VWC2L: variants seen among roughly 807,000 people sequenced by gnomAD.
VWC2L encodes the protein von Willebrand factor C domain containing 2 like.
Under a neutral mutation model 21.6 loss-of-function variants are expected in VWC2L, and 10 were observed. The ratio of observed to expected loss-of-function variants is 0.46; its 90% CI spans 0.29 to 0.78. The LOEUF is 0.78. Among genes scored for constraint, VWC2L ranks in the 30% least tolerant of loss-of-function variants. VWC2L has a pLI of 0.10. For synonymous variants in VWC2L, 96 were observed against 94.3 expected (o/e 1.02, Z -0.10); for missense variants, 209 against 277.1 (o/e 0.75, Z 1.74).
intron 3 of VWC2L, among the ~76,000 whole-genome samples, chr2:214,517,087 T>C (rs1468577594): frequency 2.0e-5 from 3 of 152,252 alleles, no homozygotes; most frequent in Non-Finnish European, 4.4e-5. Context: ...TGATCTCTAA[T>C]GACATTGTCA....
intron 2 of VWC2L, among the ~76,000 whole-genome samples, chr2:214,418,962 T>C (rs553028482): frequency 2.0e-5 from 3 of 152,350 alleles, no homozygotes; most frequent in South Asian, 2.1e-4. Context: ...CCCAGTGTTT[T>C]AGCTGTACTG....
intron 2 of VWC2L, among the ~76,000 whole-genome samples, chr2:214,434,751 G>A (rs976592520): frequency 1.3e-5 from 2 of 152,082 alleles, no homozygotes; most frequent in Non-Finnish European, 2.9e-5. Flanking sequence ...CATCAGTGTT[G>A]GGAATCTAAT....
At chr2:214,423,525 T>C (rs974667574) in intron 2 of VWC2L, among the ~76,000 whole-genome samples, 1 of 152,172 alleles carries the variant, frequency 6.6e-6, no homozygotes, top group African/African-American at 2.4e-5. Flanking sequence ...CCAATAAATA[T>C]GTTGGATTCA....
At chr2:214,572,447 A>G (rs1484489842) in intron 3 of VWC2L, among the ~76,000 whole-genome samples, 10 of 152,184 alleles carry the variant, frequency 6.6e-5, no homozygotes, top group African/African-American at 2.4e-4. Flanking sequence ...CTCTGCATTA[A>G]AATACGTTGC....
chr2:214,536,615 T>C (rs1689534582), intron 3 of VWC2L: 1 of 152,078 alleles, frequency 6.6e-6, no homozygotes, highest in African/African-American at 2.4e-5. Context: ...TACCTTTCCT[T>C]CCAACAAGTA....
intron 2 of VWC2L, among the ~76,000 whole-genome samples, chr2:214,425,044 C>G (rs539865953): frequency 6.6e-6 from 1 of 152,184 alleles, no homozygotes; most frequent in Non-Finnish European, 1.5e-5. Context: ...TTTATTAAAA[C>G]ACAGCCATGC....
intron 3 of VWC2L, among the ~76,000 whole-genome samples, chr2:214,489,844 G>T (rs1162893924): frequency 6.6e-6 from 1 of 152,184 alleles, no homozygotes; most frequent in Non-Finnish European, 1.5e-5. Context: ...TTTTTAATAT[G>T]TGGCTTCAAG....
chr2:214,520,577 A>G (rs1411597710), intron 3 of VWC2L, among the ~76,000 whole-genome samples: 1 of 152,162 alleles, frequency 6.6e-6, no homozygotes, highest in Non-Finnish European at 1.5e-5. Flanking sequence ...CTCTTGAACA[A>G]TATTTCCCAA....
At chr2:214,541,320 G>A (rs1689623360) in intron 3 of VWC2L, among the ~76,000 whole-genome samples, 1 of 151,704 alleles carries the variant, frequency 6.6e-6, no homozygotes, top group South Asian at 2.1e-4. Context: ...TTATCTGAGT[G>A]ACATTTAGCT....
At chr2:214,567,631 T>C (rs1690088788) in intron 3 of VWC2L, among the ~76,000 whole-genome samples, 1 of 149,746 alleles carries the variant, frequency 6.7e-6, no homozygotes, top group Non-Finnish European at 1.5e-5. Flanking sequence ...TAAAACATCA[T>C]AGCCTTTTAC....
intron 3 of VWC2L, among the ~76,000 whole-genome samples, chr2:214,466,325 G>C (rs1267610415): frequency 6.6e-6 from 1 of 151,974 alleles, no homozygotes; most frequent in Non-Finnish European, 1.5e-5. Context: ...TCACTTGCAT[G>C]TTTTTTCTGA....
chr2:214,547,141 T>A lies in VWC2L; in HGVS notation c.521-28531T>A, dbSNP rs113188898. Among the ~76,000 whole-genome samples the A allele has an allele frequency of 3.7e-3, 560 of 152,208 alleles. 2 individuals are homozygous for A. The highest frequency in any genetic ancestry group is 0.01 in the Middle Eastern group (3 of 294). On this transcript the variant is annotated intron_variant, in intron 3 of 3. Transcript: ENST00000312504. The stretch of plus-strand genomic sequence containing the variant: ...CTGAAGGCCCCCTTGAATGCTAATA[T>A]ATATGCAGAAGTAAACTGGAAGATT...
At chr2:214,430,076 G>A (rs967911051) in intron 2 of VWC2L, among the ~76,000 whole-genome samples, 4 of 151,764 alleles carry the variant, frequency 2.6e-5, no homozygotes, top group African/African-American at 7.3e-5. Flanking sequence ...CACCTGCCTC[G>A]GCCTCCCAAA....
At chr2:214,452,152 T>C (rs915100114) in intron 3 of VWC2L, among the ~76,000 whole-genome samples, 1 of 152,088 alleles carries the variant, frequency 6.6e-6, no homozygotes, top group Admixed American at 6.6e-5. Flanking sequence ...GTTTTTGGCT[T>C]TTTGTGTGTG....
At chr2:214,471,578 C>G (rs905433526) in intron 3 of VWC2L, among the ~76,000 whole-genome samples, 7 of 152,168 alleles carry the variant, frequency 4.6e-5, no homozygotes, top group African/African-American at 1.7e-4. Context: ...GGTCACATGG[C>G]TGGAAGGTTG....
intron 3 of VWC2L, among the ~76,000 whole-genome samples, chr2:214,507,209 A>T (rs972692408): frequency 6.6e-5 from 10 of 152,166 alleles, no homozygotes; most frequent in Non-Finnish European, 1.3e-4. Flanking sequence ...CAGTTTTCAA[A>T]CCACAGCTAT....
chr2:214,463,866 G>A (rs906972753), intron 3 of VWC2L, among the ~76,000 whole-genome samples: 9 of 151,870 alleles, frequency 5.9e-5, no homozygotes, highest in Non-Finnish European at 1.3e-4. Context: ...TTTGTCTCCT[G>A]TATGTATTTT....
chr2:214,414,236 A>G lies in VWC2L; in HGVS notation c.43A>G (p.Ile15Val). Residue 15 changes from isoleucine (I) to valine (V), a missense_variant, in exon 2 of 4, where the codon ATC becomes GTC. Physicochemically the swap from Ile to Val is conservative, Grantham distance 29 (BLOSUM62 3). Transcript: ENST00000312504. The part of the protein sequence containing the change: ...IHEACILLLV[I>V]PGLVTSAAIS... ...TGAAGCTTGCATACTTCTGTTGGTC[A>G]TCCCTGGATTGGTCACCTCTGCTGC... 3 of 1,613,290 alleles carry G rather than the reference A, an allele frequency of 1.9e-6. No homozygotes were observed. In the South Asian group the frequency reaches 3.3e-5, roughly 18 times the overall value.
intron 3 of VWC2L, among the ~76,000 whole-genome samples, chr2:214,532,644 A>G (rs1689455219): frequency 6.6e-6 from 1 of 152,130 alleles, no homozygotes; most frequent in African/African-American, 2.4e-5. Flanking sequence ...AAAACTATCA[A>G]GCATTTTTGT....
Sources: gnomAD v4.1 joint callset for allele counts (sites outside exome capture counted in the v4.1 genomes callset) on GRCh38, gnomAD v4.1.1 for gene constraint, MANE v1.5 for transcripts, NCBI Gene and HGNC (gene_info 2026-07-23, HGNC 2026-07-21) for gene names.